The following CYP19A1 variants were observed in gnomAD, a reference collection of about 807,000 sequenced individuals.
CYP19A1 encodes the protein aromatase.
In CYP19A1, 32 loss-of-function variants were observed where a neutral mutation model predicts 44.4. That is an observed-to-expected ratio of 0.72 (90% confidence interval 0.54 to 0.97). The LOEUF is 0.97. Ranked by LOEUF, CYP19A1 falls within the 50% of genes least tolerant of loss-of-function variation. The pLI, the probability that CYP19A1 is intolerant of heterozygous loss-of-function variation, is 0.00. For missense variants in CYP19A1, 598 were observed against 637.8 expected (o/e 0.94, Z 0.67); for synonymous variants, 212 against 215.6 (o/e 0.98, Z 0.14).
At chr15:51,328,250 T>C (rs1364804242) in intron 1 of CYP19A1, among the ~76,000 whole-genome samples, 1 of 152,242 alleles carries the variant, frequency 6.6e-6, no homozygotes, top group Admixed American at 6.5e-5. Context: ...AAATCCTGTG[T>C]GTTTATATAT....
chr15:51,282,110 G>A (rs1466482875), intron 1 of CYP19A1, among the ~76,000 whole-genome samples: 2 of 152,232 alleles, frequency 1.3e-5, no homozygotes, highest in African/African-American at 4.8e-5. Context: ...AACTGAGACA[G>A]AGAGGCTGGA....
intron 1 of CYP19A1, among the ~76,000 whole-genome samples, chr15:51,331,511 A>G (rs1177297140): frequency 2.0e-5 from 3 of 152,270 alleles, no homozygotes; most frequent in African/African-American, 7.2e-5. Context: ...ATACTGACCC[A>G]GAAGGAGATA....
chr15:51,221,109 C>A (rs1018885889), intron 5 of CYP19A1, among the ~76,000 whole-genome samples: 5 of 151,978 alleles, frequency 3.3e-5, no homozygotes, highest in Admixed American at 2.0e-4. Context: ...ATAATAAATT[C>A]TGTTCCTCTT....
At chr15:51,222,235 T>G (rs2032151052) in intron 5 of CYP19A1, 114 bp downstream of exon 5, 2 of 1,568,832 alleles carry the variant, frequency 1.3e-6, no homozygotes, top group South Asian at 2.3e-5. Context: ...TTAGAAATGT[T>G]TAAACAAGAG....
chr15:51,308,459 T>C (rs1182201729), intron 1 of CYP19A1, among the ~76,000 whole-genome samples: 1 of 152,182 alleles, frequency 6.6e-6, no homozygotes, highest in African/African-American at 2.4e-5. Flanking sequence ...AAGCACTTGA[T>C]TGAATTATAT....
In CYP19A1 at chr15:51,332,547, G is replaced by A. The variant is rs144984965; in HGVS notation, c.-39+5948C>T. Among the ~76,000 whole-genome samples the A allele has an allele frequency of 6.0e-4, 91 of 152,272 alleles. 1 individual carries two copies. The highest frequency in any genetic ancestry group is 2.1e-3 in the African/African-American group (87 of 41,538). Reference sequence around the variant, plus strand: ...CTGACGATGTGTTGTAAGGCTCCTTGCTCACCACTAATTTTTTTCTCCCTT... The same window carrying A: ...CTGACGATGTGTTGTAAGGCTCCTTACTCACCACTAATTTTTTTCTCCCTT... On this transcript the variant is annotated intron_variant, in intron 1 of 9. Coordinates refer to ENST00000396402, the MANE Select transcript of CYP19A1 (RefSeq NM_000103.4).
At chr15:51,265,969 T>C (rs977992848) in intron 1 of CYP19A1, among the ~76,000 whole-genome samples, 5 of 152,240 alleles carry the variant, frequency 3.3e-5, no homozygotes, top group South Asian at 2.1e-4. Flanking sequence ...ATAAATCTAG[T>C]GATAGCTCCA....
At chr15:51,335,266 G>T (rs180920812) in intron 1 of CYP19A1, among the ~76,000 whole-genome samples, 1 of 152,294 alleles carries the variant, frequency 6.6e-6, no homozygotes, top group East Asian at 1.9e-4. Context: ...ACAGCTCCAC[G>T]TCAAACAATG....
chr15:51,317,964 A>C (rs1481341711), intron 1 of CYP19A1, among the ~76,000 whole-genome samples: 1 of 152,130 alleles, frequency 6.6e-6, no homozygotes, highest in African/African-American at 2.4e-5. Context: ...ACAGCCAGGG[A>C]ACACGACTGT....
intron 1 of CYP19A1, among the ~76,000 whole-genome samples, chr15:51,298,217 G>A: frequency 6.6e-6 from 1 of 152,198 alleles, no homozygotes; most frequent in Non-Finnish European, 1.5e-5. Context: ...ATTTGGATAT[G>A]CCACCAGCTG....
intron 1 of CYP19A1, among the ~76,000 whole-genome samples, chr15:51,275,714 G>T (rs554796901): frequency 1.6e-4 from 25 of 152,160 alleles, no homozygotes; most frequent in Non-Finnish European, 3.2e-4. Flanking sequence ...TCTCACCAGA[G>T]AAAGACTAAA....
At chr15:51,302,656 G>A (rs1340228805) in intron 1 of CYP19A1, among the ~76,000 whole-genome samples, 1 of 152,178 alleles carries the variant, frequency 6.6e-6, no homozygotes, top group Non-Finnish European at 1.5e-5. Flanking sequence ...AACTGAAGGT[G>A]TCTGGCTTCA....
intron 1 of CYP19A1, among the ~76,000 whole-genome samples, chr15:51,297,865 CACA>C (rs1171711521): frequency 3.3e-5 from 5 of 151,296 alleles, no homozygotes; most frequent in South Asian, 2.1e-4. Flanking sequence ...CACACACACA[CACA>C]CCCTAGGCCT....
chr15:51,260,190 A>AC (rs1694141534), intron 1 of CYP19A1, among the ~76,000 whole-genome samples: 1 of 152,248 alleles, frequency 6.6e-6, no homozygotes, highest in African/African-American at 2.4e-5. Flanking sequence ...AGGTGATGAT[A>AC]TACGACACAG....
chr15:51,218,191 T>G (rs1246698365), intron 6 of CYP19A1, among the ~76,000 whole-genome samples: 1 of 152,188 alleles, frequency 6.6e-6, no homozygotes, highest in Non-Finnish European at 1.5e-5. Flanking sequence ...AGTTCCAGTT[T>G]TTTAGTTGTG....
At chr15:51,316,674 T>C (rs1595781203) in intron 1 of CYP19A1, among the ~76,000 whole-genome samples, 1 of 149,766 alleles carries the variant, frequency 6.7e-6, no homozygotes, top group African/African-American at 2.5e-5. Context: ...AGCCCAGGAG[T>C]TGGAGAGCAG....
chr15:51,333,510 G>A (rs1306800801), intron 1 of CYP19A1, among the ~76,000 whole-genome samples: 2 of 152,194 alleles, frequency 1.3e-5, no homozygotes, highest in Admixed American at 1.3e-4. Flanking sequence ...TACTCATACA[G>A]CTTTAAGAAA....
intron 1 of CYP19A1, among the ~76,000 whole-genome samples, chr15:51,261,750 G>C (rs1167104772): frequency 6.6e-6 from 1 of 152,162 alleles, no homozygotes; most frequent in Admixed American, 6.5e-5. Flanking sequence ...TCATGGTGGA[G>C]GAATAGAATT....
At position 51,222,331 on chromosome 15, in the gene CYP19A1, G is replaced by C. The variant is rs1595681312; in HGVS notation, c.628+18C>G. On this transcript the variant is annotated intron_variant, in intron 5 of 9. Transcript: ENST00000396402. ...TAAAGGACAGATGGTCAAGATGTGA[G>C]AGTGAAAATTTCAGTACCGTCCAAA... 4 of 1,614,162 alleles carry C rather than the reference G, an allele frequency of 2.5e-6. No homozygotes were observed. The East Asian group carries it at 8.9e-5, about 36-fold the overall frequency.
Sources: gnomAD v4.1 joint callset for allele counts (sites outside exome capture counted in the v4.1 genomes callset) on GRCh38, gnomAD v4.1.1 for gene constraint, MANE v1.5 for transcripts, NCBI Gene and HGNC (gene_info 2026-07-23, HGNC 2026-07-21) for gene names.